The following SNX3 variants were observed in gnomAD, a reference collection of about 807,000 sequenced individuals.
The protein encoded by SNX3 is sorting nexin 3.
Under a neutral mutation model 17.7 loss-of-function variants are expected in SNX3, and 5 were observed. The observed-to-expected ratio is 0.28, with a 90% CI of 0.15 to 0.59. SNX3 has a LOEUF of 0.59. SNX3 is among the 20% of genes least tolerant of loss of function. The pLI, the probability that SNX3 is intolerant of heterozygous loss-of-function variation, is 0.88. For missense variants in SNX3, 132 were observed against 206.8 expected (o/e 0.64, Z 2.22); for synonymous variants, 91 against 76.5 (o/e 1.19, Z -0.99).
intron 1 of SNX3, among the ~76,000 whole-genome samples, chr6:108,228,112 G>A (rs1010435834): frequency 1.3e-5 from 2 of 152,090 alleles, no homozygotes; most frequent in Non-Finnish European, 1.5e-5. Context: ...AATTTCCATG[G>A]TTAAAAATAC....
chr6:108,229,534 A>G (rs1274015144), intron 1 of SNX3, among the ~76,000 whole-genome samples: 1 of 150,934 alleles, frequency 6.6e-6, no homozygotes, highest in Non-Finnish European at 1.5e-5. Context: ...CAGCCTCCCA[A>G]AGTGCTGGAA....
Position 108,248,783 on chromosome 6 carries a change from C to T in SNX3, c.162+11977G>A, listed in dbSNP as rs528260929. ...TCCTTCCTTTCTTTTTTTTTTGAGA[C>T]GGGGTCTCACTCTGTCACCCAGGCT... On this transcript the variant is annotated intron_variant, in intron 1 of 3. Transcript: ENST00000230085. Among the ~76,000 whole-genome samples, 13 of 150,946 alleles carry T rather than the reference C, an allele frequency of 8.6e-5. No individual in the cohort carries two copies. The South Asian group carries it at 1.9e-3, about 22-fold the overall frequency.
At chr6:108,214,400 G>A in intron 3 of SNX3, 98 bp downstream of exon 3, 1 of 1,168,904 alleles carries the variant, frequency 8.6e-7, no homozygotes, top group Non-Finnish European at 1.2e-6. Flanking sequence ...GTTAGGAAAT[G>A]GCTGAAAGAA....
intron 1 of SNX3, chr6:108,252,277 T>TATACAA (rs1775887602): frequency 6.5e-6 from 1 of 154,308 alleles, no homozygotes; most frequent in South Asian, 2.0e-4. Context: ...GCCAAGGAGA[T>TATACAA]GTATGAGGAA....
intron 1 of SNX3, among the ~76,000 whole-genome samples, chr6:108,235,809 T>A (rs925763120): frequency 6.6e-6 from 1 of 151,952 alleles, no homozygotes; most frequent in African/African-American, 2.4e-5. Flanking sequence ...GGCACAAGAA[T>A]CACATGAAAG....
chr6:108,242,367 T>A (rs748659880), intron 1 of SNX3, among the ~76,000 whole-genome samples: 4 of 151,962 alleles, frequency 2.6e-5, no homozygotes, highest in African/African-American at 4.8e-5. Flanking sequence ...TCCCACCCAA[T>A]AAACATCACA....
chr6:108,260,675 C>A (rs1378570138), intron 1 of SNX3, 85 bp downstream of exon 1: 3 of 1,511,520 alleles, frequency 2.0e-6, no homozygotes, highest in Non-Finnish European at 2.7e-6. Flanking sequence ...GCTGTGGCTG[C>A]CCGCGGGGGT....
intron 1 of SNX3, among the ~76,000 whole-genome samples, chr6:108,242,137 C>A (rs544076574): frequency 1.4e-4 from 21 of 152,144 alleles, no homozygotes; most frequent in Admixed American, 3.9e-4. Flanking sequence ...AAGAAACTGT[C>A]CATTCTGAAA....
intron 1 of SNX3, among the ~76,000 whole-genome samples, chr6:108,234,904 T>C (rs1775277598): frequency 6.6e-6 from 1 of 152,204 alleles, no homozygotes; most frequent in African/African-American, 2.4e-5. Flanking sequence ...AAATGAAGCC[T>C]TGATACAGAT....
chr6:108,226,845 G>T (rs893210609), intron 1 of SNX3, among the ~76,000 whole-genome samples: 1 of 152,176 alleles, frequency 6.6e-6, no homozygotes, highest in Admixed American at 6.5e-5. Context: ...GGGCATAACA[G>T]TGTATAGGTT....
intron 2 of SNX3, among the ~76,000 whole-genome samples, chr6:108,221,756 G>A (rs1582473372): frequency 6.6e-6 from 1 of 151,708 alleles, no homozygotes; most frequent in Non-Finnish European, 1.5e-5. Flanking sequence ...TGTTGCCCAC[G>A]CTGGTCTCGA....
intron 1 of SNX3, among the ~76,000 whole-genome samples, chr6:108,248,671 C>A (rs1464699374): frequency 6.6e-6 from 1 of 152,190 alleles, no homozygotes; most frequent in Non-Finnish European, 1.5e-5. Flanking sequence ...CATAATCTGG[C>A]CTTCTAAACT....
intron 1 of SNX3, among the ~76,000 whole-genome samples, chr6:108,236,761 A>G (rs1379868185): frequency 6.6e-6 from 1 of 152,198 alleles, no homozygotes. Flanking sequence ...AAACTATAAA[A>G]AACATGAAAA....
intron 1 of SNX3, among the ~76,000 whole-genome samples, chr6:108,248,955 A>T (rs1024011053): frequency 1.3e-5 from 2 of 152,174 alleles, no homozygotes; most frequent in African/African-American, 4.8e-5. Flanking sequence ...GTTTGTAGAA[A>T]GGACTTACCT....
At chr6:108,220,445 T>G (rs1774728141) in intron 2 of SNX3, among the ~76,000 whole-genome samples, 1 of 152,222 alleles carries the variant, frequency 6.6e-6, no homozygotes, top group Non-Finnish European at 1.5e-5. Flanking sequence ...TCCCACTATG[T>G]TACAACTGCC....
At chr6:108,218,118 G>A (rs188395030) in intron 2 of SNX3, among the ~76,000 whole-genome samples, 11 of 152,304 alleles carry the variant, frequency 7.2e-5, no homozygotes, top group Admixed American at 7.2e-4. Context: ...ACAACCCAGA[G>A]ACTGGGAGAT....
intron 1 of SNX3, among the ~76,000 whole-genome samples, chr6:108,248,533 A>G (rs865774443): frequency 6.6e-6 from 1 of 152,330 alleles, no homozygotes; most frequent in East Asian, 1.9e-4. Context: ...ATTTAGTTAG[A>G]AAAAAACAAT....
At chr6:108,256,503 C>G (rs1776034313) in intron 1 of SNX3, among the ~76,000 whole-genome samples, 1 of 152,196 alleles carries the variant, frequency 6.6e-6, no homozygotes, top group South Asian at 2.1e-4. Flanking sequence ...ATTCATGTGC[C>G]TTATCCCATT....
At chr6:108,218,870 A>C (rs1179417313) in intron 2 of SNX3, among the ~76,000 whole-genome samples, 1 of 152,200 alleles carries the variant, frequency 6.6e-6, no homozygotes, top group Non-Finnish European at 1.5e-5. Flanking sequence ...GTTGGGGAGA[A>C]ATCAGTGGTG....
Sources: allele counts gnomAD v4.1 joint callset (sites outside exome capture counted in the v4.1 genomes callset), GRCh38; gene constraint gnomAD v4.1.1; transcripts MANE v1.5; gene names NCBI Gene and HGNC (gene_info 2026-07-23, HGNC 2026-07-21).